Variants in SAMSN1 observed in about 807,000 individuals in gnomAD.
SAMSN1 encodes SAM domain-containing protein SAMSN-1.
Under a neutral mutation model 42.0 loss-of-function variants are expected in SAMSN1, and 31 were observed. The ratio of observed to expected loss-of-function variants is 0.74; its 90% CI spans 0.55 to 1.00. SAMSN1 has a LOEUF of 1.00. Among genes scored for constraint, SAMSN1 ranks in the 50% least tolerant of loss-of-function variants. The pLI, the probability that SAMSN1 is intolerant of heterozygous loss-of-function variation, is 0.00. For synonymous variants in SAMSN1, 178 were observed against 151.9 expected (o/e 1.17, Z -1.26); for missense variants, 464 against 439.4 (o/e 1.06, Z -0.50).
chr21:14,488,944 A>G (rs578004083), intron 7 of SAMSN1, among the ~76,000 whole-genome samples: 3 of 152,324 alleles, frequency 2.0e-5, no homozygotes, highest in South Asian at 4.1e-4. Context: ...GATGAAAGCT[A>G]TATCGCATTC....
chr21:14,502,054 A>G (rs1987183626), intron 5 of SAMSN1, among the ~76,000 whole-genome samples: 1 of 152,236 alleles, frequency 6.6e-6, no homozygotes, highest in African/African-American at 2.4e-5. Flanking sequence ...ACAGATTCTA[A>G]TATTTTTGCC....
At chr21:14,600,638 C>T (rs117503501) in intron 6 of SAMSN1, among the ~76,000 whole-genome samples, 25 of 152,300 alleles carry the variant, frequency 1.6e-4, no homozygotes, top group South Asian at 1.2e-3. Flanking sequence ...CTTCTTTCCA[C>T]GAAACGGGTC....
intron 2 of SAMSN1, chr21:14,619,664 G>A: frequency 3.0e-6 from 1 of 328,606 alleles, no homozygotes; most frequent in South Asian, 2.6e-5. Flanking sequence ...CAAAGTTCAT[G>A]GCTGATATTC....
intron 4 of SAMSN1, among the ~76,000 whole-genome samples, chr21:14,611,682 A>G (rs1407759722): frequency 2.6e-5 from 4 of 152,224 alleles, no homozygotes; most frequent in Admixed American, 6.5e-5. Flanking sequence ...AAAATATTTA[A>G]CAACGAGTGA....
chr21:14,593,238 A>C (rs1982145310), intron 7 of SAMSN1, among the ~76,000 whole-genome samples: 1 of 152,176 alleles, frequency 6.6e-6, no homozygotes, highest in Admixed American at 6.6e-5. Flanking sequence ...TGATTTACTA[A>C]GAGTAGTTAT....
upstream of SAMSN1, among the ~76,000 whole-genome samples, chr21:14,586,994 G>T (rs992007863): frequency 6.6e-6 from 1 of 152,300 alleles, no homozygotes. Flanking sequence ...TGAGCCCAGA[G>T]AATAACAGAG....
At position 14,541,074 on chromosome 21, in the gene SAMSN1, T is replaced by G. The variant is rs376652533; in HGVS notation, c.57+5131A>C. On this transcript the variant is annotated intron_variant, in intron 1 of 7. Coordinates refer to ENST00000400566, the MANE Select transcript of SAMSN1 (RefSeq NM_022136.5). ...CATGTTCTCACTCATCAGTGGGAAT[T>G]GAACAATGGGAACATCTGGACACAG... Among the ~76,000 whole-genome samples, 21 of 136,390 alleles carry G rather than the reference T, an allele frequency of 1.5e-4. No homozygotes were observed. The East Asian group carries it at 3.4e-3, about 22-fold the overall frequency. The allele number at this position is 136,390 out of a possible 152,430, so 89.5% of individuals were successfully genotyped here.
chr21:14,596,893 G>A (rs569563330), intron 6 of SAMSN1, among the ~76,000 whole-genome samples: 1 of 152,140 alleles, frequency 6.6e-6, no homozygotes, highest in Admixed American at 6.6e-5. Context: ...CTGACCCACA[G>A]GGACTGTGAA....
chr21:14,602,519 A>C (rs1490231569), intron 5 of SAMSN1, among the ~76,000 whole-genome samples: 6 of 152,194 alleles, frequency 3.9e-5, no homozygotes, highest in Non-Finnish European at 7.3e-5. Flanking sequence ...TCTTCTCAAC[A>C]TGAATTATTT....
chr21:14,554,028 C>T (rs995476304), intron 2 of SAMSN1, among the ~76,000 whole-genome samples: 1 of 152,134 alleles, frequency 6.6e-6, no homozygotes, highest in Non-Finnish European at 1.5e-5. Flanking sequence ...ATATTGCTCT[C>T]TGATTTCATT....
intron 6 of SAMSN1, chr21:14,598,199 T>C (rs1982326538): frequency 1.3e-5 from 2 of 152,122 alleles, no homozygotes; most frequent in Admixed American, 1.3e-4. Context: ...CTGAAGGTAA[T>C]AAATATTATC....
chr21:14,589,483 A>G (rs1164930103), intron 7 of SAMSN1, among the ~76,000 whole-genome samples: 1 of 152,122 alleles, frequency 6.6e-6, no homozygotes, highest in Non-Finnish European at 1.5e-5. Context: ...GAGGATAAGT[A>G]TCAGGTACTT....
intron 6 of SAMSN1, among the ~76,000 whole-genome samples, chr21:14,595,099 G>C (rs950513977): frequency 6.6e-6 from 1 of 152,256 alleles, no homozygotes; most frequent in South Asian, 2.1e-4. Flanking sequence ...CATGAGAACA[G>C]CTCCAATGGG....
chr21:14,568,140 A>G (rs1981179988), intron 2 of SAMSN1, among the ~76,000 whole-genome samples: 1 of 152,192 alleles, frequency 6.6e-6, no homozygotes, highest in Non-Finnish European at 1.5e-5. Flanking sequence ...CCGCTTTAGA[A>G]CATAGTATTC....
intron 1 of SAMSN1, among the ~76,000 whole-genome samples, chr21:14,544,477 GA>G (rs1568801255): frequency 6.6e-6 from 1 of 152,060 alleles, no homozygotes; most frequent in Admixed American, 6.6e-5. Flanking sequence ...ATGTTAAAAG[GA>G]AACAATCCAA....
Position 14,624,013 on chromosome 21 carries a change from C to T in SAMSN1, c.157-7997G>A, listed in dbSNP as rs551009824. Among the ~76,000 whole-genome samples, 125 of 152,298 alleles carry T rather than the reference C, an allele frequency of 8.2e-4. 1 individual carries two copies. The South Asian group carries it at 0.011, about 13-fold the overall frequency. ...AACTACATGGAAACTGAACAACCTGCTCTTGAATGACTACTGGGTACACAA... is the reference window on the plus strand; with the variant it reads ...AACTACATGGAAACTGAACAACCTGTTCTTGAATGACTACTGGGTACACAA... On this transcript the variant is annotated intron_variant, in intron 2 of 15. Coordinates refer to the SAMSN1 transcript ENST00000647101.
intron 4 of SAMSN1, chr21:14,612,595 A>G (rs1335607318): frequency 3.8e-6 from 2 of 528,452 alleles, no homozygotes; most frequent in African/African-American, 1.9e-5. Context: ...GCCAAGCTAC[A>G]CATGGAGAGC....
upstream of SAMSN1, among the ~76,000 whole-genome samples, chr21:14,547,419 T>C (rs1413875994): frequency 1.3e-5 from 2 of 152,168 alleles, no homozygotes; most frequent in African/African-American, 4.8e-5. Context: ...AAAATGTTTA[T>C]GATAATGAAA....
At chr21:14,534,869 C>G (rs1205363279) in intron 1 of SAMSN1, among the ~76,000 whole-genome samples, 1 of 152,166 alleles carries the variant, frequency 6.6e-6, no homozygotes, top group Non-Finnish European at 1.5e-5. Flanking sequence ...CATTCACACT[C>G]AGGTCTCTAT....
Sources: gnomAD v4.1 joint callset for allele counts (sites outside exome capture counted in the v4.1 genomes callset) on GRCh38, gnomAD v4.1.1 for gene constraint, MANE v1.5 for transcripts, NCBI Gene and HGNC (gene_info 2026-07-23, HGNC 2026-07-21) for gene names.